Variants in NRG3 observed in about 807,000 individuals in gnomAD.
NRG3 encodes neuregulin 3.
Under a neutral mutation model 66.9 loss-of-function variants are expected in NRG3, and 31 were observed. The observed-to-expected ratio is 0.46, with a 90% CI of 0.35 to 0.63. The LOEUF is 0.63. Ranked by LOEUF, NRG3 falls within the 20% of genes least tolerant of loss-of-function variation. The probability of loss-of-function intolerance (pLI) is 0.00; values close to 1 mark genes in which losing one functional copy is unlikely to be tolerated. For missense variants in NRG3, 910 were observed against 878.9 expected, an observed-to-expected ratio of 1.04 and a Z score of -0.45; for synonymous variants, 393 against 359.4, an observed-to-expected ratio of 1.09 and a Z score of -1.06.
intron 3 of NRG3, among the ~76,000 whole-genome samples, chr10:82,796,943 C>G (rs749536249): frequency 6.6e-6 from 1 of 151,816 alleles, no homozygotes; most frequent in Non-Finnish European, 1.5e-5. Context: ...CAAATGAAAA[C>G]TACAACCTAA....
intron 4 of NRG3, among the ~76,000 whole-genome samples, chr10:82,923,965 G>T (rs975596210): frequency 3.3e-5 from 5 of 151,846 alleles, no homozygotes; most frequent in Middle Eastern, 6.8e-3. Context: ...GGGCATGGTG[G>T]CAGGCACCTG....
intron 1 of NRG3, among the ~76,000 whole-genome samples, chr10:82,113,037 GATTTGCTTAT>G (rs2132264777): frequency 1.3e-5 from 2 of 152,218 alleles, no homozygotes; most frequent in South Asian, 4.2e-4. Context: ...ATCATTTCTT[GATTTGCTTAT>G]ATTTACCAAG....
chr10:82,168,904 C>A (rs2072328026), intron 1 of NRG3, among the ~76,000 whole-genome samples: 1 of 152,118 alleles, frequency 6.6e-6, no homozygotes, highest in African/African-American at 2.4e-5. Context: ...GTTCACCTTT[C>A]TCTGGCCTGC....
chr10:81,915,145 T>C (rs1845554326), intron 1 of NRG3, among the ~76,000 whole-genome samples: 1 of 152,190 alleles, frequency 6.6e-6, no homozygotes, highest in Non-Finnish European at 1.5e-5. Context: ...TATATGGTTT[T>C]TGTGGCAACA....
intron 4 of NRG3, among the ~76,000 whole-genome samples, chr10:82,947,910 T>C (rs1244258079): frequency 2.0e-5 from 3 of 152,112 alleles, no homozygotes; most frequent in South Asian, 2.1e-4. Context: ...CAAATGTTAA[T>C]GTTGATAGAT....
chr10:82,407,060 G>A (rs377714582), intron 2 of NRG3, among the ~76,000 whole-genome samples: 7 of 31,924 alleles, frequency 2.2e-4, no homozygotes, highest in South Asian at 1.4e-3. Context: ...ACCCACCCCC[G>A]CCCCCACCAT....
At chr10:82,953,598 C>G (rs183696361) in intron 5 of NRG3, among the ~76,000 whole-genome samples, 1 of 152,042 alleles carries the variant, frequency 6.6e-6, no homozygotes, top group Admixed American at 6.5e-5. Context: ...CAAATTATAT[C>G]GTGTCTCTTA....
intron 2 of NRG3, among the ~76,000 whole-genome samples, chr10:82,427,304 T>C (rs947598776): frequency 6.6e-6 from 1 of 152,176 alleles, no homozygotes; most frequent in African/African-American, 2.4e-5. Context: ...TTCATTATAA[T>C]GGTGTTGGTT....
chr10:82,960,464 T>TA (rs1491456956), intron 6 of NRG3, among the ~76,000 whole-genome samples: 1 of 45,614 alleles, frequency 2.2e-5, no homozygotes, highest in African/African-American at 1.1e-4. Flanking sequence ...AATGGCTGGA[T>TA]TTTTTTTTTT....
At chr10:82,347,659 C>G (rs1310928057) in intron 1 of NRG3, among the ~76,000 whole-genome samples, 1 of 152,026 alleles carries the variant, frequency 6.6e-6, no homozygotes, top group Non-Finnish European at 1.5e-5. Flanking sequence ...CTAATGTTGA[C>G]AGTGGGGTGT....
At chr10:82,349,235 G>A (rs993109692) in intron 1 of NRG3, among the ~76,000 whole-genome samples, 4 of 151,602 alleles carry the variant, frequency 2.6e-5, no homozygotes, top group Non-Finnish European at 4.4e-5. Flanking sequence ...ATGTACAGAT[G>A]GGTTTTTGGT....
At chr10:82,922,789 A>G (rs558457010) in intron 4 of NRG3, among the ~76,000 whole-genome samples, 2 of 152,314 alleles carry the variant, frequency 1.3e-5, no homozygotes, top group East Asian at 1.9e-4. Flanking sequence ...TAGCACCTCA[A>G]ACTCAACATA....
At chr10:81,944,387 T>C (rs946136455) in intron 1 of NRG3, among the ~76,000 whole-genome samples, 6 of 152,224 alleles carry the variant, frequency 3.9e-5, no homozygotes, top group Non-Finnish European at 8.8e-5. Flanking sequence ...TAATATGCAG[T>C]GTCTCAAGAA....
chr10:82,730,893 C>T (rs182558260), intron 2 of NRG3, among the ~76,000 whole-genome samples: 8 of 152,200 alleles, frequency 5.3e-5, no homozygotes, highest in African/African-American at 1.9e-4. Context: ...CGTTTTTGTC[C>T]ACCCAGAACA....
At chr10:82,057,998 C>T (rs1230169657) in intron 1 of NRG3, among the ~76,000 whole-genome samples, 2 of 151,134 alleles carry the variant, frequency 1.3e-5, no homozygotes, top group Admixed American at 6.6e-5. Context: ...CTTTGTAAAG[C>T]CTTCTAAAGA....
intron 1 of NRG3, among the ~76,000 whole-genome samples, chr10:81,903,211 A>T (rs872763): frequency 0.3 from 45,814 of 151,958 alleles, 7,925 homozygotes; most frequent in East Asian, 0.58. Flanking sequence ...TGGATTTTTT[A>T]AAAAATTTTT....
chr10:82,431,390 G>A (rs921823168), intron 2 of NRG3, among the ~76,000 whole-genome samples: 3 of 152,188 alleles, frequency 2.0e-5, no homozygotes, highest in African/African-American at 7.2e-5. Context: ...GAACTAAGGT[G>A]AGAGGAATGA....
At chr10:82,838,026 T>C (rs138615135) in intron 3 of NRG3, among the ~76,000 whole-genome samples, 9 of 152,312 alleles carry the variant, frequency 5.9e-5, no homozygotes, top group African/African-American at 1.9e-4. Context: ...GCAGGAGTGA[T>C]GCTTAATTTG....
chr10:82,104,736 T>A (rs74448065), intron 1 of NRG3, among the ~76,000 whole-genome samples: 3 of 152,304 alleles, frequency 2.0e-5, no homozygotes, highest in African/African-American at 7.2e-5. Flanking sequence ...TTAAAAAATA[T>A]GTGTATCAAT....
Sources: allele counts gnomAD v4.1 joint callset (sites outside exome capture counted in the v4.1 genomes callset), GRCh38; gene constraint gnomAD v4.1.1; transcripts MANE v1.5; gene names NCBI Gene and HGNC (gene_info 2026-07-23, HGNC 2026-07-21).